Variants in DPT observed in about 807,000 individuals in gnomAD.
The protein encoded by DPT is dermatopontin, also known as tyrosine-rich acidic matrix protein.
DPT carries 21 observed loss-of-function variants against 31.2 expected under a neutral mutation model. The ratio of observed to expected loss-of-function variants is 0.67; its 90% CI spans 0.48 to 0.97. The LOEUF is 0.97. Among genes scored for constraint, DPT ranks in the 50% least tolerant of loss-of-function variants. DPT has a pLI of 0.00. For synonymous variants in DPT, 91 were observed against 86.9 expected (o/e 1.05, Z -0.26); for missense variants, 262 against 258.8 (o/e 1.01, Z -0.08).
intron 1 of DPT, among the ~76,000 whole-genome samples, chr1:168,726,759 G>A (rs1050691202): frequency 6.6e-6 from 1 of 152,264 alleles, no homozygotes; most frequent in African/African-American, 2.4e-5. Flanking sequence ...TCATTGCCAT[G>A]CTCCACATTA....
intron 1 of DPT, among the ~76,000 whole-genome samples, chr1:168,727,986 CCTA>C (rs1227003987): frequency 6.6e-6 from 1 of 152,142 alleles, no homozygotes; most frequent in African/African-American, 2.4e-5. Flanking sequence ...CTCCAAGCCT[CCTA>C]GAGTGCTGGC....
intron 1 of DPT, among the ~76,000 whole-genome samples, chr1:168,723,787 C>T (rs528946008): frequency 8.9e-4 from 135 of 152,254 alleles, no homozygotes; most frequent in Non-Finnish European, 1.6e-3. Flanking sequence ...TGGAATTCCA[C>T]GATTCTGTTG....
chr1:168,722,505 C>T (rs756600920), intron 1 of DPT, among the ~76,000 whole-genome samples: 5 of 152,142 alleles, frequency 3.3e-5, no homozygotes, highest in Non-Finnish European at 7.4e-5. Context: ...AGGCATTGTG[C>T]TTAGCACTAT....
intron 2 of DPT, among the ~76,000 whole-genome samples, chr1:168,703,220 A>G (rs1013378413): frequency 6.6e-6 from 1 of 152,262 alleles, no homozygotes; most frequent in African/African-American, 2.4e-5. Flanking sequence ...TACATACAGC[A>G]ACACTGCATT....
At chr1:168,720,500 T>G (rs1650076966) in intron 1 of DPT, among the ~76,000 whole-genome samples, 1 of 152,068 alleles carries the variant, frequency 6.6e-6, no homozygotes, top group Non-Finnish European at 1.5e-5. Context: ...TGGTGTGGGG[T>G]TGAGTCAAGT....
intron 2 of DPT, among the ~76,000 whole-genome samples, chr1:168,708,497 A>C (rs1450704518): frequency 1.3e-5 from 2 of 152,212 alleles, no homozygotes; most frequent in Non-Finnish European, 2.9e-5. Flanking sequence ...TTTCCTCAAA[A>C]CTTAAGTATG....
intron 2 of DPT, among the ~76,000 whole-genome samples, chr1:168,713,168 G>C (rs1368751705): frequency 6.6e-6 from 1 of 152,160 alleles, no homozygotes; most frequent in Non-Finnish European, 1.5e-5. Context: ...GTAATCCTTT[G>C]CCAGGCCTGT....
chr1:168,729,030 G>T lies in DPT; in HGVS notation c.145C>A (p.Gln49Lys). The change falls in exon 1 of 4, where the codon CAG becomes AAG. Residue 49 changes from glutamine (Q) to lysine (K), a missense_variant. Physicochemically the swap from Gln to Lys is moderately conservative, Grantham distance 53. Coordinates refer to ENST00000367817, the MANE Select transcript of DPT (RefSeq NM_001937.5). ...VNLNRQGFSY[Q>K]CPQGQVIVAV... ...ACTATCACCTGCCCCTGGGGACACT[G>T]GTAGCTGAAGCCTTGCCGGTTCAAA... is the stretch of plus-strand genomic sequence containing the variant. 1 of 1,614,224 alleles carries T rather than the reference G, an allele frequency of 6.2e-7. No individual in the cohort carries two copies. The highest frequency in any genetic ancestry group is 8.5e-7 in the Non-Finnish European group (1 of 1,180,044).
chr1:168,719,709 C>T (rs1238906979), intron 1 of DPT, among the ~76,000 whole-genome samples: 1 of 151,998 alleles, frequency 6.6e-6, no homozygotes, highest in Non-Finnish European at 1.5e-5. Flanking sequence ...ATGACCGCAG[C>T]TCTAAGGAAA....
intron 2 of DPT, among the ~76,000 whole-genome samples, chr1:168,706,501 T>C (rs1649719118): frequency 6.6e-6 from 1 of 151,872 alleles, no homozygotes; most frequent in African/African-American, 2.4e-5. Flanking sequence ...CCAAATGGAG[T>C]TATGTGTAAA....
intron 1 of DPT, 134 bp downstream of exon 1, chr1:168,728,736 T>C (rs2101916273): frequency 3.7e-6 from 4 of 1,078,238 alleles, no homozygotes; most frequent in Middle Eastern, 3.1e-4. Context: ...ACCCAGAGCA[T>C]GCAGTGGTGA....
chr1:168,724,766 A>G (rs1011459590), intron 1 of DPT, among the ~76,000 whole-genome samples: 6 of 152,136 alleles, frequency 3.9e-5, no homozygotes, highest in Non-Finnish European at 8.8e-5. Flanking sequence ...TAGTCCGACC[A>G]TGGAAAACGG....
intron 1 of DPT, among the ~76,000 whole-genome samples, chr1:168,724,397 G>T (rs1291775257): frequency 6.6e-6 from 1 of 152,186 alleles, no homozygotes; most frequent in East Asian, 1.9e-4. Flanking sequence ...CACTGGCTGG[G>T]GTTTGGACTG....
At chr1:168,707,159 C>T (rs1055980080) in intron 2 of DPT, among the ~76,000 whole-genome samples, 1 of 152,078 alleles carries the variant, frequency 6.6e-6, no homozygotes, top group African/African-American at 2.4e-5. Flanking sequence ...AGCTCAGTTC[C>T]CTCATCTGTA....
At chr1:168,707,454 G>T (rs1042339254) in intron 2 of DPT, among the ~76,000 whole-genome samples, 2 of 152,012 alleles carry the variant, frequency 1.3e-5, no homozygotes, top group African/African-American at 4.8e-5. Flanking sequence ...GGTTTACTTT[G>T]TTCTAAGTAG....
At chr1:168,709,523 A>C (rs1280885973) in intron 2 of DPT, among the ~76,000 whole-genome samples, 1 of 152,202 alleles carries the variant, frequency 6.6e-6, no homozygotes, top group East Asian at 1.9e-4. Context: ...CTGAAACGAG[A>C]GCAGCACCTT....
At chr1:168,697,440 A>T (rs1649489987) in intron 3 of DPT, among the ~76,000 whole-genome samples, 1 of 152,196 alleles carries the variant, frequency 6.6e-6, no homozygotes. Flanking sequence ...AAAAAAGAAA[A>T]TGGCTGCCAT....
chr1:168,703,012 A>G (rs935701575), intron 2 of DPT, among the ~76,000 whole-genome samples: 16 of 152,226 alleles, frequency 1.1e-4, no homozygotes, highest in African/African-American at 3.6e-4. Flanking sequence ...AGTTAACCCA[A>G]GGAAAGAGAG....
intron 2 of DPT, among the ~76,000 whole-genome samples, chr1:168,712,180 C>T (rs1299986229): frequency 6.6e-6 from 1 of 152,212 alleles, no homozygotes; most frequent in East Asian, 1.9e-4. Context: ...AGAGGAGCAA[C>T]TGTACACAGG....
Sources: gnomAD v4.1 joint callset for allele counts (sites outside exome capture counted in the v4.1 genomes callset) on GRCh38, gnomAD v4.1.1 for gene constraint, MANE v1.5 for transcripts, NCBI Gene and HGNC (gene_info 2026-07-23, HGNC 2026-07-21) for gene names.